RUSC2: variants seen among roughly 807,000 people sequenced by gnomAD.
The protein encoded by RUSC2 is RUN and SH3 domain containing 2.
In RUSC2, 34 loss-of-function variants were observed where a neutral mutation model predicts 122.2. The observed-to-expected ratio is 0.28, with a 90% CI of 0.21 to 0.37. The LOEUF (loss-of-function observed/expected upper bound fraction) is 0.37. Ranked by LOEUF, RUSC2 falls within the 10% of genes least tolerant of loss-of-function variation. RUSC2 has a pLI of 1.00. For synonymous variants in RUSC2, 784 were observed against 790.0 expected (o/e 0.99, Z 0.13); for missense variants, 1,747 against 1,952.4 (o/e 0.89, Z 1.98).
At position 35,547,916 on chromosome 9, in the gene RUSC2, C is replaced by T. The variant is rs760935127; in HGVS notation, c.1395C>T (p.Thr465=). 36 of 1,614,096 alleles carry T rather than the reference C, an allele frequency of 2.2e-5. No homozygotes were observed. Among genetic ancestry groups the T allele is most frequent in the Non-Finnish European group, 2.9e-5 (34 of 1,180,056 alleles). The part of the protein sequence containing the change: ...PEEQEAVSSS[T]QAAAAVGPTV... ...AACAAGAAGCAGTGAGTTCCTCCAC[C>T]CAAGCAGCAGCTGCTGTGGGCCCCA... Residue 465 remains threonine, a synonymous_variant, in exon 2 of 12, where the codon ACC becomes ACT. Transcript: ENST00000361226. This position sits in a 1 kb window ranked among gnomAD's most constrained non-coding sequence, Gnocchi z 4.6.
intron 1 of RUSC2, among the ~76,000 whole-genome samples, 170 bp downstream of exon 1, chr9:35,490,342 C>T (rs577033453): frequency 5.3e-5 from 8 of 152,124 alleles, no homozygotes; most frequent in Admixed American, 1.3e-4. Context: ...GCCCCGACCC[C>T]CTGGGCAGAC....
Position 35,561,015 on chromosome 9 carries a change from A to T in RUSC2, c.4267A>T (p.Thr1423Ser). 1 of 1,614,190 alleles carries T rather than the reference A, an allele frequency of 6.2e-7. No homozygotes were observed. The highest frequency in any genetic ancestry group is 1.1e-5 in the South Asian group (1 of 91,090). Residue 1423 changes from threonine to serine, a missense_variant, in exon 11 of 12, where the codon ACA becomes TCA. Transcript: ENST00000361226. ...DKSMFQLVAQ[T>S]VGSRREPEPK... ...GTCCATGTTCCAACTAGTGGCGCAGACAGTGGGTTCCCGCCGGGAGCCAGA... is the reference window on the plus strand; with the variant it reads ...GTCCATGTTCCAACTAGTGGCGCAGTCAGTGGGTTCCCGCCGGGAGCCAGA...
intron 1 of RUSC2, among the ~76,000 whole-genome samples, chr9:35,521,727 A>G (rs1821219430): frequency 6.6e-6 from 1 of 152,268 alleles, no homozygotes; most frequent in South Asian, 2.1e-4. Flanking sequence ...GAAGCCTAAT[A>G]AGGCAGCAAC....
intron 1 of RUSC2, among the ~76,000 whole-genome samples, chr9:35,544,353 G>C (rs1448937696): frequency 7.4e-6 from 1 of 135,118 alleles, no homozygotes; most frequent in Non-Finnish European, 1.5e-5. Flanking sequence ...CTGTCACCAG[G>C]CTGGAGTGCT....
chr9:35,515,999 C>CAAAAAAAAAAAAAAAAAAAAAAAAAAAA (rs544797957), intron 1 of RUSC2, among the ~76,000 whole-genome samples: 1 of 47,198 alleles, frequency 2.1e-5, no homozygotes, highest in Non-Finnish European at 3.7e-5. Context: ...ATTCTTGTCT[C>CAAAAAAAAAAAAAAAAAAAAAAAAAAAA]AAAAAAAAAA....
chr9:35,536,966 T>A (rs1180393044), intron 1 of RUSC2, among the ~76,000 whole-genome samples: 3 of 151,954 alleles, frequency 2.0e-5, no homozygotes, highest in Non-Finnish European at 4.4e-5. Flanking sequence ...GGGAGATGAA[T>A]CTGGTAGTAC....
chr9:35,528,702 C>T (rs1282548727), intron 1 of RUSC2, among the ~76,000 whole-genome samples: 2 of 152,094 alleles, frequency 1.3e-5, no homozygotes, highest in African/African-American at 2.4e-5. Context: ...GACAGTGTCT[C>T]GCTTTATTGC....
chr9:35,499,376 C>T (rs1820780644), intron 1 of RUSC2, among the ~76,000 whole-genome samples: 2 of 152,180 alleles, frequency 1.3e-5, no homozygotes, highest in Admixed American at 1.3e-4. Flanking sequence ...TGCCAAAACA[C>T]TTAAAGTTTT....
Position 35,560,992 on chromosome 9 carries a change from C to A in RUSC2, c.4244C>A (p.Ser1415Tyr). The stretch of plus-strand genomic sequence containing the variant: ...TCGGACTGGCTGAGCCTGGACAAGT[C>A]CATGTTCCAACTAGTGGCGCAGACA... ...LPSDWLSLDK[S>Y]MFQLVAQTVG... The change falls in exon 11 of 12, where the codon TCC becomes TAC. Residue 1415 changes from serine to tyrosine, a missense_variant. Physicochemically the swap from Ser to Tyr is moderately radical, Grantham distance 144. Coordinates refer to ENST00000361226, the MANE Select transcript of RUSC2 (RefSeq NM_014806.5). The A allele has an allele frequency of 6.2e-7, 1 of 1,614,218 alleles. No homozygotes were observed. Among genetic ancestry groups the A allele is most frequent in the Non-Finnish European group, 8.5e-7 (1 of 1,180,032 alleles).
intron 1 of RUSC2, among the ~76,000 whole-genome samples, chr9:35,536,060 G>A (rs1225538621): frequency 6.6e-6 from 1 of 152,226 alleles, no homozygotes; most frequent in Non-Finnish European, 1.5e-5. Context: ...CAATAACCAT[G>A]TTAAGTGACA....
chr9:35,534,172 C>A (rs548532796), intron 1 of RUSC2, among the ~76,000 whole-genome samples: 2 of 152,096 alleles, frequency 1.3e-5, no homozygotes, highest in Non-Finnish European at 2.9e-5. Context: ...CAAGTAGTAT[C>A]TCACTTTAGT....
intron 1 of RUSC2, among the ~76,000 whole-genome samples, chr9:35,495,927 AC>A (rs2132487331): frequency 6.6e-6 from 1 of 152,204 alleles, no homozygotes; most frequent in Non-Finnish European, 1.5e-5. Flanking sequence ...TTTTGATGTT[AC>A]TGTAAATGGA....
intron 1 of RUSC2, among the ~76,000 whole-genome samples, chr9:35,541,338 AT>A (rs1365612000): frequency 2.0e-5 from 3 of 151,680 alleles, no homozygotes; most frequent in African/African-American, 7.3e-5. Flanking sequence ...CTTCACCTTC[AT>A]TAGAGGGGAT....
intron 1 of RUSC2, among the ~76,000 whole-genome samples, chr9:35,541,924 C>T (rs10972505): frequency 0.62 from 92,571 of 148,278 alleles, 30,221 homozygotes; most frequent in Non-Finnish European, 0.72. Context: ...ATTTTTATAT[C>T]ATATAACATT....
At chr9:35,518,933 A>G (rs1180232892) in intron 1 of RUSC2, among the ~76,000 whole-genome samples, 1 of 152,086 alleles carries the variant, frequency 6.6e-6, no homozygotes, top group South Asian at 2.1e-4. Context: ...AATGCAGCCA[A>G]TTTGTGTGTG....
In RUSC2 at chr9:35,546,446, A is replaced by G; in HGVS notation, c.-76A>G. On this transcript the variant is annotated 5_prime_UTR_variant, in exon 2 of 12. It removes an upstream start codon present in the reference 5' UTR. Transcript: ENST00000361226. The surrounding 1 kb of genome is among the most constrained non-coding windows in gnomAD (Gnocchi z 4.3). ...TCTCTCCAGGTGCCAAGCTCTCCTG[A>G]TGAAATGTGTTCTGCCCCACTGGGC... 3.5e-6 allele frequency: 4 copies of G among 1,145,082 alleles called. No individual in the cohort carries two copies. Among genetic ancestry groups the G allele is most frequent in the Non-Finnish European group, 4.6e-6 (4 of 875,316 alleles). The allele number at this position is 1,145,082 out of a possible 1,614,324, so 70.9% of individuals were successfully genotyped here. A position where few individuals can be genotyped will look rare whatever the true frequency, so the allele number is the denominator to read the frequency against.
chr9:35,556,593 G>C, intron 5 of RUSC2, 145 bp downstream of exon 5: 1 of 788,010 alleles, frequency 1.3e-6, no homozygotes, highest in East Asian at 2.9e-5. Flanking sequence ...GGGAGGCCAA[G>C]GCAGGTGGAT....
chr9:35,534,456 AC>A (rs1821484018), intron 1 of RUSC2, among the ~76,000 whole-genome samples: 1 of 150,562 alleles, frequency 6.6e-6, no homozygotes, highest in South Asian at 2.1e-4. Flanking sequence ...ACACACACAC[AC>A]AATCCTTTGC....
At position 35,558,404 on chromosome 9, in the gene RUSC2, G is replaced by A. The variant is rs1437936765; in HGVS notation, c.3235+33G>A. On this transcript the variant is annotated intron_variant, in intron 7 of 11. Coordinates refer to ENST00000361226, the MANE Select transcript of RUSC2 (RefSeq NM_014806.5). This position sits in a 1 kb window ranked among gnomAD's most constrained non-coding sequence, Gnocchi z 4.3. ...CTGGGTGCCAAGACGGGGACCCAGG[G>A]CTGAATTTAGGGCTCCAGAAATTGG... is the stretch of plus-strand genomic sequence containing the variant. 1.2e-6 allele frequency: 2 copies of A among 1,613,880 alleles called. No homozygotes were observed. Among genetic ancestry groups the A allele is most frequent in the Non-Finnish European group, 8.5e-7 (1 of 1,179,808 alleles).
Sources: gnomAD v4.1 joint callset for allele counts (sites outside exome capture counted in the v4.1 genomes callset) on GRCh38, gnomAD v4.1.1 for gene constraint, Gnocchi (gnomAD v3.1) non-coding constraint, MANE v1.5 for transcripts, NCBI Gene and HGNC (gene_info 2026-07-23, HGNC 2026-07-21) for gene names.